ROS1: variants seen among roughly 807,000 people sequenced by gnomAD.
ROS1 encodes ROS proto-oncogene 1, receptor tyrosine kinase.
A neutral mutation model predicts 273.5 loss-of-function variants in ROS1; 263 were observed. That is an observed-to-expected ratio of 0.96 (90% CI 0.87 to 1.06). ROS1 has a LOEUF of 1.06. Among genes scored for constraint, ROS1 ranks in the 50% least tolerant of loss-of-function variants. ROS1 has a pLI of 0.00. For missense variants in ROS1, 2,833 were observed against 2,751.1 expected (o/e 1.03, Z -0.67); for synonymous variants, 1,008 against 954.1 (o/e 1.06, Z -1.04).
At chr6:117,361,904 T>C (rs1779831820) in intron 22 of ROS1, among the ~76,000 whole-genome samples, 1 of 152,064 alleles carries the variant, frequency 6.6e-6, no homozygotes, top group Admixed American at 6.6e-5. Flanking sequence ...AACTTTTTCT[T>C]TATAGTATGA....
chr6:117,364,930 T>C, intron 21 of ROS1, 130 bp downstream of exon 21: 1 of 794,488 alleles, frequency 1.3e-6, no homozygotes, highest in Non-Finnish European at 2.0e-6. Flanking sequence ...CAAAAAGTCA[T>C]TGAAAGGGTA....
At chr6:117,373,578 A>C (rs1781054893) in intron 18 of ROS1, among the ~76,000 whole-genome samples, 1 of 152,198 alleles carries the variant, frequency 6.6e-6, no homozygotes, top group African/African-American at 2.4e-5. Context: ...AGCCGCTCTG[A>C]GTGCGGGGCC....
At chr6:117,408,483 T>G (rs1774615530) in intron 5 of ROS1, among the ~76,000 whole-genome samples, 1 of 152,146 alleles carries the variant, frequency 6.6e-6, no homozygotes, top group Admixed American at 6.5e-5. Flanking sequence ...TCACTGGCCA[T>G]CAGAGAAATG....
At chr6:117,336,312 T>C (rs1777458182) in intron 32 of ROS1, among the ~76,000 whole-genome samples, 1 of 151,668 alleles carries the variant, frequency 6.6e-6, no homozygotes, top group East Asian at 1.9e-4. Flanking sequence ...TTCCTAATAC[T>C]CTCTATCCCC....
At chr6:117,344,038 A>C (rs749636451) in intron 28 of ROS1, 22 bp downstream of exon 28, 2 of 1,567,884 alleles carry the variant, frequency 1.3e-6, no homozygotes, top group Non-Finnish European at 1.8e-6. Context: ...GAAAAGACAA[A>C]GACCACTAGT....
In ROS1 at chr6:117,385,780, A is replaced by C; in HGVS notation, c.2192T>G (p.Ile731Ser). 6.2e-7 allele frequency: 1 copy of C among 1,614,144 alleles called. No individual in the cohort carries two copies. Among genetic ancestry groups the C allele is most frequent in the Non-Finnish European group, 8.5e-7 (1 of 1,180,014 alleles). Residue 731 changes from isoleucine (I) to serine (S), a missense_variant, in exon 16 of 44, where the codon ATC (isoleucine) becomes AGC (serine). By Grantham distance (142) the Ile-to-Ser change is moderately radical. Coordinates refer to ENST00000368507, the MANE Select transcript of ROS1 (RefSeq NM_001378902.1). ...VFVWLLNGTD[I>S]SENYHLPSIA... Reference sequence around the variant, plus strand: ...GCTGGGTAGGTGATAATTCTCTGAGATATCCGTCCCATTCAGCAGCCACAC... The same window carrying C: ...GCTGGGTAGGTGATAATTCTCTGAGCTATCCGTCCCATTCAGCAGCCACAC...
In ROS1 at chr6:117,321,201, C is replaced by T. The variant is rs202120585; in HGVS notation, c.5759+58G>A. ...GCAATGCGGAATTCATAGGCACTCT[C>T]CTTACTGTTGCCCACCCTTTGCCTA... is the stretch of plus-strand genomic sequence containing the variant. On this transcript the variant is annotated intron_variant, in intron 36 of 43. Coordinates refer to ENST00000368507, the MANE Select transcript of ROS1 (RefSeq NM_001378902.1). 81 of 1,581,358 alleles carry T rather than the reference C, an allele frequency of 5.1e-5. No individual in the cohort carries two copies. In the South Asian group the frequency reaches 9.3e-4, roughly 18 times the overall value.
chr6:117,349,627 C>G (rs535479000), intron 27 of ROS1, among the ~76,000 whole-genome samples: 1 of 151,944 alleles, frequency 6.6e-6, no homozygotes, highest in South Asian at 2.1e-4. Flanking sequence ...TCATTTGTTG[C>G]CCTTGTTCTT....
chr6:117,381,377 C>G (rs1375139733), intron 17 of ROS1, among the ~76,000 whole-genome samples: 1 of 151,122 alleles, frequency 6.6e-6, no homozygotes, highest in Non-Finnish European at 1.5e-5. Context: ...TTTTTTTATC[C>G]CCCACCCAAC....
At position 117,341,454 on chromosome 6, in the gene ROS1, TCC is replaced by T; in HGVS notation, c.4828_4829del (p.Gly1610LysfsTer8). 4 of 1,613,928 alleles carry T rather than the reference TCC, an allele frequency of 2.5e-6. No individual in the cohort carries two copies. The highest frequency in any genetic ancestry group is 2.5e-6 in the Non-Finnish European group (3 of 1,179,848). ...GTCTAGTAACAAGGAGAGTGAGCCT[TCC>T]ATTTGGAAATTCACTTTGTCTTAGA... ...TPLRQSEFPN[G>X]RLTLLVTRLS... On this transcript the variant is annotated frameshift_variant, in exon 30 of 44. Transcript: ENST00000368507. LOFTEE classifies it high-confidence loss of function.
intron 34 of ROS1, 105 bp from the exon 35 acceptor site, chr6:117,324,520 G>T (rs2128575619): frequency 1.7e-6 from 1 of 587,514 alleles, no homozygotes; most frequent in Non-Finnish European, 3.0e-6. Context: ...GCTACTACTG[G>T]ATTTTTGCAA....
At chr6:117,313,374 C>T (rs879741387) in intron 39 of ROS1, among the ~76,000 whole-genome samples, 3 of 151,974 alleles carry the variant, frequency 2.0e-5, no homozygotes, top group Non-Finnish European at 2.9e-5. Flanking sequence ...TCGAGACCAG[C>T]CTGACCAACA....
chr6:117,351,047 A>AT (rs1778811016), intron 27 of ROS1, among the ~76,000 whole-genome samples: 1 of 151,874 alleles, frequency 6.6e-6, no homozygotes. Flanking sequence ...ATGCCTTGTA[A>AT]TTTTTTCTTG....
At chr6:117,409,543 G>C (rs1774725713) in intron 5 of ROS1, 39 bp downstream of exon 5, 1 of 1,453,588 alleles carries the variant, frequency 6.9e-7, no homozygotes, top group Non-Finnish European at 9.7e-7. Flanking sequence ...CACTAGAGTG[G>C]TGCAGCCTAT....
Position 117,353,148 on chromosome 6 carries a change from A to G in ROS1, c.4145T>C (p.Leu1382Ser). Residue 1382 changes from leucine (L) to serine (S), a missense_variant, in exon 27 of 44, where the codon TTA becomes TCA. Coordinates refer to ENST00000368507, the MANE Select transcript of ROS1 (RefSeq NM_001378902.1). Reference sequence around the variant, plus strand: ...GTATATAAGATCTCCATCCACAGTTAAGCTAACAAGGGTTTTTCCTGCTGT... The same window carrying G: ...GTATATAAGATCTCCATCCACAGTTGAGCTAACAAGGGTTTTTCCTGCTGT... The part of the protein sequence containing the change: ...PAMLGKTLVS[L>S]TVDGDLIYWI... The G allele has an allele frequency of 3.7e-6, 6 of 1,609,416 alleles. No individual in the cohort carries two copies. Among genetic ancestry groups the G allele is most frequent in the Non-Finnish European group, 5.1e-6 (6 of 1,177,602 alleles).
rs776308471 is a variant in ROS1, at chr6:117,311,076, C to T, written c.6159G>A (p.Leu2053=). 8 of 1,611,408 alleles carry T rather than the reference C, an allele frequency of 5.0e-6. No individual in the cohort carries two copies. The African/African-American group carries it at 1.1e-4, about 22-fold the overall frequency. ...PLLTLVDLVD[L]CVDISKGCVY... ...CACAGCCTTTTGAAATATCTACACA[C>T]AGGTCTACAAGGTCAACCAAGGTGA... The change falls in exon 40 of 44, where the codon CTG becomes CTA. Residue 2053 remains leucine (L), a synonymous_variant. Transcript: ENST00000368507.
intron 22 of ROS1, 92 bp downstream of exon 22, chr6:117,362,511 T>G: frequency 8.0e-7 from 1 of 1,244,952 alleles, no homozygotes; most frequent in Non-Finnish European, 1.1e-6. Flanking sequence ...TGTGTGCCAT[T>G]TACACTGTAA....
chr6:117,406,503 A>G (rs1220497600), intron 5 of ROS1, among the ~76,000 whole-genome samples: 2 of 152,342 alleles, frequency 1.3e-5, no homozygotes, highest in South Asian at 2.1e-4. Context: ...ACATTGATCC[A>G]TAGCCAATGA....
chr6:117,295,090 G>A (rs576210836), intron 43 of ROS1, among the ~76,000 whole-genome samples: 20 of 152,222 alleles, frequency 1.3e-4, no homozygotes, highest in East Asian at 7.7e-4. Flanking sequence ...AAACAGCATA[G>A]TGCTGGCATA....
Sources: gnomAD v4.1 joint callset for allele counts (sites outside exome capture counted in the v4.1 genomes callset) on GRCh38, gnomAD v4.1.1 for gene constraint, MANE v1.5 for transcripts, NCBI Gene and HGNC (gene_info 2026-07-23, HGNC 2026-07-21) for gene names.